ODAD2: variants seen among roughly 807,000 people sequenced by gnomAD.
The protein encoded by ODAD2 is outer dynein arm-docking complex subunit 2.
In ODAD2, 89 loss-of-function variants were observed where a neutral mutation model predicts 106.8. That is an observed-to-expected ratio of 0.83 (90% CI 0.70 to 0.99). The LOEUF (loss-of-function observed/expected upper bound fraction) is 0.99, where lower values mean the gene tolerates loss of function less well. Among genes scored for constraint, ODAD2 ranks in the 50% least tolerant of loss-of-function variants. The pLI is 0.00. For missense variants in ODAD2, 1,168 were observed against 1,238.5 expected, an observed-to-expected ratio of 0.94 and a Z score of 0.85; for synonymous variants, 404 against 436.2, an observed-to-expected ratio of 0.93 and a Z score of 0.92.
chr10:27,933,784 G>C (rs1845768412), intron 16 of ODAD2, among the ~76,000 whole-genome samples: 1 of 152,226 alleles, frequency 6.6e-6, no homozygotes, highest in African/African-American at 2.4e-5. Context: ...AGTCCAGCCA[G>C]TATGCTTCCC....
intron 17 of ODAD2, among the ~76,000 whole-genome samples, chr10:27,906,008 T>C (rs554110997): frequency 1.8e-3 from 272 of 152,258 alleles, no homozygotes; most frequent in African/African-American, 6.3e-3. Flanking sequence ...AAAGCCAGAA[T>C]TGACAAATGG....
chr10:27,948,080 C>A (rs1456567166), intron 10 of ODAD2, among the ~76,000 whole-genome samples: 2 of 152,000 alleles, frequency 1.3e-5, no homozygotes, highest in Admixed American at 6.6e-5. Context: ...GCAGATGTCC[C>A]AAAGGTAAGA....
intron 16 of ODAD2, among the ~76,000 whole-genome samples, chr10:27,930,104 C>CCTGA (rs1845510543): frequency 6.6e-6 from 1 of 151,978 alleles, no homozygotes; most frequent in South Asian, 2.1e-4. Flanking sequence ...ACATCACATT[C>CCTGA]CTGACTGTGT....
intron 17 of ODAD2, among the ~76,000 whole-genome samples, chr10:27,896,299 A>C (rs1296837793): frequency 1.3e-5 from 2 of 152,218 alleles, no homozygotes; most frequent in Admixed American, 1.3e-4. Flanking sequence ...CAGCCAAATT[A>C]GTAATCTGCT....
chr10:27,944,443 A>C lies in ODAD2; in HGVS notation c.1534-12T>G. The C allele has an allele frequency of 6.2e-7, 1 of 1,607,348 alleles. No homozygotes were observed. Among genetic ancestry groups the C allele is most frequent in the Non-Finnish European group, 8.5e-7 (1 of 1,174,004 alleles). ...TTTAATGAACCAATCTGTGTGAGAA[A>C]AAAAAAGATGAGTGGCGAATATGTA... On this transcript the variant is annotated splice_polypyrimidine_tract_variant and intron_variant, in intron 11 of 19. Coordinates refer to ENST00000305242, the MANE Select transcript of ODAD2 (RefSeq NM_018076.5).
At chr10:27,908,664 G>A (rs988058408) in intron 16 of ODAD2, among the ~76,000 whole-genome samples, 7 of 152,114 alleles carry the variant, frequency 4.6e-5, no homozygotes, top group African/African-American at 1.7e-4. Flanking sequence ...GCCACAGATA[G>A]AATAAATACT....
intron 19 of ODAD2, among the ~76,000 whole-genome samples, chr10:27,860,318 T>C (rs1839948995): frequency 6.6e-6 from 1 of 152,040 alleles, no homozygotes; most frequent in Admixed American, 6.6e-5. Context: ...CCAGGTATGG[T>C]GGCATGCACC....
At chr10:27,964,400 G>A (rs1848357063) in intron 9 of ODAD2, among the ~76,000 whole-genome samples, 1 of 152,150 alleles carries the variant, frequency 6.6e-6, no homozygotes, top group Admixed American at 6.5e-5. Context: ...CAATTAGTAT[G>A]TAAAAAGCTT....
intron 19 of ODAD2, among the ~76,000 whole-genome samples, chr10:27,858,043 T>C (rs1390767045): frequency 6.6e-6 from 1 of 152,206 alleles, no homozygotes; most frequent in Non-Finnish European, 1.5e-5. Flanking sequence ...CTGCAGGTAA[T>C]TGAACCACCC....
chr10:27,896,734 T>C (rs1229282119), intron 17 of ODAD2, among the ~76,000 whole-genome samples: 1 of 152,146 alleles, frequency 6.6e-6, no homozygotes, highest in Non-Finnish European at 1.5e-5. Flanking sequence ...TGTGTATGTG[T>C]ACTCTTTCTA....
At chr10:27,878,436 G>A (rs1841489311) in intron 17 of ODAD2, among the ~76,000 whole-genome samples, 1 of 152,110 alleles carries the variant, frequency 6.6e-6, no homozygotes, top group Non-Finnish European at 1.5e-5. Context: ...TCCTTCTCTT[G>A]CCTCCAGCGA....
chr10:27,961,683 C>T lies in ODAD2; in HGVS notation c.1271G>A (p.Ser424Asn). ...KSAEKIEETV[S>N]DSSSESEEDE... ...TTCCTCACTTTCTGAGGAGCTATCG[C>T]TAACAGTTTCCTCAATCTTTTCAGC... Residue 424 changes from serine to asparagine, a missense_variant, in exon 10 of 20, where the codon AGC becomes AAC. Transcript: ENST00000305242. 6.2e-7 allele frequency: 1 copy of T among 1,605,502 alleles called. No individual in the cohort carries two copies. Among genetic ancestry groups the T allele is most frequent in the South Asian group, 1.1e-5 (1 of 89,822 alleles).
intron 16 of ODAD2, among the ~76,000 whole-genome samples, chr10:27,921,878 A>G (rs1341614756): frequency 6.6e-6 from 1 of 151,126 alleles, no homozygotes; most frequent in African/African-American, 2.4e-5. Flanking sequence ...GGGAATCAAG[A>G]ACTTTAGGCC....
At chr10:27,946,119 A>C (rs577815035) in intron 10 of ODAD2, among the ~76,000 whole-genome samples, 1 of 148,566 alleles carries the variant, frequency 6.7e-6, no homozygotes, top group African/African-American at 2.4e-5. Context: ...TCTATTGTAT[A>C]ATTTTAAAAT....
At chr10:27,958,098 C>T (rs188050786) in intron 10 of ODAD2, among the ~76,000 whole-genome samples, 1 of 152,000 alleles carries the variant, frequency 6.6e-6, no homozygotes, top group Non-Finnish European at 1.5e-5. Context: ...TATAGATATA[C>T]TTTTCCTTTT....
intron 7 of ODAD2, among the ~76,000 whole-genome samples, chr10:27,972,345 G>C (rs1030535312): frequency 2.6e-5 from 4 of 151,912 alleles, no homozygotes; most frequent in African/African-American, 9.7e-5. Context: ...CAATTCAAAA[G>C]GGGCAGAGGA....
chr10:27,882,169 AAAAAAAAGAAAGAAAGAAAGAAAG>A (rs1452159753), intron 17 of ODAD2, among the ~76,000 whole-genome samples: 3 of 88,262 alleles, frequency 3.4e-5, no homozygotes, highest in Non-Finnish European at 6.8e-5. Flanking sequence ...CCTTGTCATA[AAAAAAAAGAAAGAAAGAAAGAAAG>A]AAAGAAAGAA....
chr10:27,860,883 T>TA, intron 18 of ODAD2, 37 bp from the exon 19 acceptor site: 1 of 1,552,914 alleles, frequency 6.4e-7, no homozygotes, highest in Non-Finnish European at 8.9e-7. Context: ...CTGTGCATTG[T>TA]AATGACCCTG....
rs151304911 is a variant in ODAD2, at chr10:27,861,245, G to C, written c.2800-399C>G. 5.3e-3 allele frequency among the ~76,000 whole-genome samples: 811 copies of C among 152,242 alleles called. 6 individuals carry two copies. The highest frequency in any genetic ancestry group is 0.018 in the African/African-American group (762 of 41,544). On this transcript the variant is annotated intron_variant, in intron 18 of 19. Coordinates refer to ENST00000305242, the MANE Select transcript of ODAD2 (RefSeq NM_018076.5). ...GGCCTCAAGTGATCCACTCACTTTG[G>C]CCTCCAAAAGTGCTGAGATTACAGG...
Sources: gnomAD v4.1 joint callset for allele counts (sites outside exome capture counted in the v4.1 genomes callset) on GRCh38, gnomAD v4.1.1 for gene constraint, MANE v1.5 for transcripts, NCBI Gene and HGNC (gene_info 2026-07-23, HGNC 2026-07-21) for gene names.